The following CACNA1E variants were observed in gnomAD, a reference collection of about 807,000 sequenced individuals.
CACNA1E encodes voltage-dependent R-type calcium channel subunit alpha-1E.
Under a neutral mutation model 259.2 loss-of-function variants are expected in CACNA1E, and 40 were observed. The observed-to-expected ratio is 0.15, with a 90% CI of 0.12 to 0.20. The LOEUF (loss-of-function observed/expected upper bound fraction) is 0.20. CACNA1E is among the 10% of genes least tolerant of loss of function. The pLI is 1.00. For missense variants in CACNA1E, 1,874 were observed against 3,040.1 expected (o/e 0.62, Z 9.02); for synonymous variants, 1,104 against 1,138.5 (o/e 0.97, Z 0.61).
chr1:181,438,690 T>C (rs1442428388), intron 2 of CACNA1E, among the ~76,000 whole-genome samples: 2 of 152,172 alleles, frequency 1.3e-5, no homozygotes, highest in Non-Finnish European at 2.9e-5. Flanking sequence ...CATACCACTC[T>C]TGTCACTGAT....
chr1:181,588,835 G>A (rs1454032765), intron 6 of CACNA1E, among the ~76,000 whole-genome samples: 1 of 152,226 alleles, frequency 6.6e-6, no homozygotes, highest in Non-Finnish European at 1.5e-5. Context: ...AGGACTGAGG[G>A]GCAGAAATTA....
intron 3 of CACNA1E, among the ~76,000 whole-genome samples, chr1:181,576,659 T>G (rs1651008951): frequency 1.3e-5 from 2 of 152,234 alleles, no homozygotes; most frequent in African/African-American, 2.4e-5. Flanking sequence ...AATGCCTCAT[T>G]TCCTGATGGT....
intron 1 of CACNA1E, among the ~76,000 whole-genome samples, chr1:181,332,355 CAT>C (rs770023398): frequency 2.6e-5 from 4 of 152,250 alleles, no homozygotes; most frequent in South Asian, 2.1e-4. Context: ...ACATCCTGCA[CAT>C]GTTACCCTGA....
intron 7 of CACNA1E, among the ~76,000 whole-genome samples, chr1:181,658,465 A>G (rs991410971): frequency 2.6e-5 from 4 of 152,262 alleles, no homozygotes; most frequent in African/African-American, 7.2e-5. Context: ...ATGGGATAGC[A>G]ATAGCTCTCT....
At chr1:181,387,460 T>G (rs1405624572) in intron 1 of CACNA1E, among the ~76,000 whole-genome samples, 2 of 152,208 alleles carry the variant, frequency 1.3e-5, no homozygotes, top group African/African-American at 4.8e-5. Context: ...TTGCTCTGAA[T>G]GGATTTGGGG....
chr1:181,376,425 C>T lies in CACNA1E; in HGVS notation c.-14-36708C>T, dbSNP rs112167975. On this transcript the variant is annotated intron_variant, in intron 1 of 11. Transcript: ENST00000524607. Reference sequence around the variant, plus strand: ...ATTGGCCTATTGCATGTTTCCTGAACCAGTATAGCAGTGCAGAATATGCCA... The same window carrying T: ...ATTGGCCTATTGCATGTTTCCTGAATCAGTATAGCAGTGCAGAATATGCCA... Among the ~76,000 whole-genome samples the T allele has an allele frequency of 2.4e-3, 358 of 152,320 alleles. 3 individuals are homozygous for T. The highest frequency in any genetic ancestry group is 6.8e-3 in the Middle Eastern group (2 of 294).
In CACNA1E at chr1:181,797,319, C is replaced by A. The variant is rs147108938; in HGVS notation, c.6399+461C>A. ...AGCAAGATCATGCCTTTTGCTGAAC[C>A]ACCAGCTTGGTGCCTAAGGAATAAC... On this transcript the variant is annotated intron_variant, in intron 47 of 47. Coordinates refer to ENST00000367573, the MANE Select transcript of CACNA1E (RefSeq NM_001205293.3). Among the ~76,000 whole-genome samples, 78 of 152,320 alleles carry A rather than the reference C, an allele frequency of 5.1e-4. 1 individual carries two copies. The Middle Eastern group carries it at 0.037, about 73-fold the overall frequency.
chr1:181,356,341 C>CGTGT (rs141071408), intron 1 of CACNA1E, among the ~76,000 whole-genome samples: 6,371 of 147,064 alleles, frequency 0.043, 143 homozygotes, highest in Middle Eastern at 0.065. Context: ...GCCTTCTATT[C>CGTGT]GTGTGTGTGT....
chr1:181,475,215 A>C (rs1662764280), intron 2 of CACNA1E, among the ~76,000 whole-genome samples: 1 of 152,194 alleles, frequency 6.6e-6, no homozygotes, highest in South Asian at 2.1e-4. Context: ...TAATGCAGGC[A>C]CTCTAGGTAA....
chr1:181,424,193 G>A (rs1412912941), intron 2 of CACNA1E, among the ~76,000 whole-genome samples: 4 of 152,208 alleles, frequency 2.6e-5, no homozygotes, highest in Non-Finnish European at 2.9e-5. Context: ...AGAAGAGACC[G>A]GAGCACATGC....
chr1:181,500,698 G>A (rs1325058670), intron 1 of CACNA1E, among the ~76,000 whole-genome samples: 1 of 152,194 alleles, frequency 6.6e-6, no homozygotes, highest in East Asian at 1.9e-4. Context: ...CAGCTGTGAT[G>A]TATTTCTCAA....
chr1:181,549,928 C>A (rs181330287), intron 3 of CACNA1E, among the ~76,000 whole-genome samples: 1 of 152,172 alleles, frequency 6.6e-6, no homozygotes, highest in African/African-American at 2.4e-5. Context: ...ACTGTGAAGA[C>A]AATAGAGGGC....
At chr1:181,743,555 A>G (rs1427888881) in intron 25 of CACNA1E, among the ~76,000 whole-genome samples, 6 of 152,212 alleles carry the variant, frequency 3.9e-5, no homozygotes. Context: ...CACAGATTAC[A>G]TTCATGAACC....
chr1:181,530,287 A>G (rs1480913088), intron 3 of CACNA1E, among the ~76,000 whole-genome samples: 1 of 152,220 alleles, frequency 6.6e-6, no homozygotes, highest in African/African-American at 2.4e-5. Flanking sequence ...TGTAAGTCTA[A>G]TTAAACCTCT....
chr1:181,775,966 A>G (rs993496858), intron 37 of CACNA1E, 135 bp from the exon 38 acceptor site: 1 of 762,524 alleles, frequency 1.3e-6, no homozygotes, highest in Non-Finnish European at 2.2e-6. Flanking sequence ...ATCCCTGACT[A>G]TTCCCTGTCC....
intron 1 of CACNA1E, among the ~76,000 whole-genome samples, chr1:181,412,674 G>A (rs1215794316): frequency 1.3e-5 from 2 of 152,194 alleles, no homozygotes; most frequent in East Asian, 3.9e-4. Flanking sequence ...CCTGGGGAAG[G>A]GGTTAGAGGG....
At position 181,452,474 on chromosome 1, in the gene CACNA1E, GC is replaced by G. The variant is rs571127588; in HGVS notation, c.435-31267del. ...TGGTTTGCAAACTGTGTTCCTTGGA[GC>G]CCTTCAGGGATGCCTTGGGCTTGCA... On this transcript the variant is annotated intron_variant, in intron 2 of 11. Transcript: ENST00000524607. 1.1e-3 allele frequency among the ~76,000 whole-genome samples: 164 copies of G among 152,268 alleles called. 1 individual carries two copies. The highest frequency in any genetic ancestry group is 3.8e-3 in the African/African-American group (158 of 41,562).
intron 7 of CACNA1E, among the ~76,000 whole-genome samples, chr1:181,685,403 ATAAC>A (rs1650436129): frequency 6.6e-6 from 1 of 152,178 alleles, no homozygotes; most frequent in Admixed American, 6.5e-5. Context: ...TGGAATGTGA[ATAAC>A]TAACCCAGTG....
rs983338037 is a variant in CACNA1E, at chr1:181,673,612, C to T, written c.1055+22171C>T. ...AACAGAATTCAGGACTAGAGTGAGC[C>T]GGAGAGCAGATGGTCCACTGCCCAG... On this transcript the variant is annotated intron_variant, in intron 7 of 47. Coordinates refer to ENST00000367573, the MANE Select transcript of CACNA1E (RefSeq NM_001205293.3). Among the ~76,000 whole-genome samples the T allele has an allele frequency of 2.5e-4, 38 of 152,242 alleles. No homozygotes were observed. In the East Asian group the frequency reaches 5.6e-3, roughly 22 times the overall value.
Sources: gnomAD v4.1 joint callset for allele counts (sites outside exome capture counted in the v4.1 genomes callset) on GRCh38, gnomAD v4.1.1 for gene constraint, MANE v1.5 for transcripts, NCBI Gene and HGNC (gene_info 2026-07-23, HGNC 2026-07-21) for gene names.